The following COL4A1 variants were observed in gnomAD, a reference collection of about 807,000 sequenced individuals.
The protein encoded by COL4A1 is collagen alpha-1(IV) chain.
A neutral mutation model predicts 216.6 loss-of-function variants in COL4A1; 40 were observed. The observed-to-expected ratio is 0.18, with a 90% CI of 0.14 to 0.24. The LOEUF (loss-of-function observed/expected upper bound fraction) is 0.24. Among genes scored for constraint, COL4A1 ranks in the 10% least tolerant of loss-of-function variants. COL4A1 has a pLI of 1.00. For missense variants in COL4A1, 1,628 were observed against 2,196.8 expected (o/e 0.74, Z 5.18); for synonymous variants, 839 against 810.7 (o/e 1.03, Z -0.59).
At chr13:110,295,619 T>A (rs1306360644) in intron 1 of COL4A1, among the ~76,000 whole-genome samples, 1 of 152,044 alleles carries the variant, frequency 6.6e-6, no homozygotes, top group East Asian at 1.9e-4. Context: ...AGAGACAAGG[T>A]TTCACCACAT....
chr13:110,234,992 G>A (rs1327779885), intron 2 of COL4A1, among the ~76,000 whole-genome samples: 1 of 152,024 alleles, frequency 6.6e-6, no homozygotes, highest in Non-Finnish European at 1.5e-5. Flanking sequence ...CCCTAGTATT[G>A]TACACTAAGG....
chr13:110,254,511 T>C (rs1002379848), intron 1 of COL4A1, among the ~76,000 whole-genome samples: 1 of 152,124 alleles, frequency 6.6e-6, no homozygotes, highest in Non-Finnish European at 1.5e-5. Flanking sequence ...AGCCCTACAG[T>C]TTGTAACATA....
intron 1 of COL4A1, among the ~76,000 whole-genome samples, chr13:110,251,529 G>A (rs1390100587): frequency 2.6e-5 from 4 of 152,266 alleles, no homozygotes; most frequent in Non-Finnish European, 4.4e-5. Flanking sequence ...AGCTGAGTGT[G>A]TGAGCAAGCT....
Position 110,175,209 on chromosome 13 carries a change from G to C in COL4A1, c.3198+9C>G. On this transcript the variant is annotated intron_variant, in intron 37 of 51. Transcript: ENST00000375820. ...AGAAGGGGACCTTTCCACGCAGAGC[G>C]CTGGTTACCTTTTCACCTCGCAGCC... The C allele has an allele frequency of 6.2e-7, 1 of 1,614,184 alleles. No individual in the cohort carries two copies. Among genetic ancestry groups the C allele is most frequent in the East Asian group, 2.2e-5 (1 of 44,882 alleles).
chr13:110,264,656 C>T (rs1416798492), intron 1 of COL4A1, among the ~76,000 whole-genome samples: 1 of 152,230 alleles, frequency 6.6e-6, no homozygotes, highest in African/African-American at 2.4e-5. Context: ...ATTGTTTTGA[C>T]ATGCTACTTT....
At chr13:110,287,787 T>G (rs1016341066) in intron 1 of COL4A1, among the ~76,000 whole-genome samples, 8 of 152,196 alleles carry the variant, frequency 5.3e-5, no homozygotes, top group African/African-American at 1.9e-4. Flanking sequence ...AAGAGAAACG[T>G]TTCCTTTCAG....
At chr13:110,206,922 A>G (rs751360096) in intron 13 of COL4A1, 31 bp from the exon 14 acceptor site, 3 of 1,613,186 alleles carry the variant, frequency 1.9e-6, no homozygotes, top group African/African-American at 1.3e-5. Flanking sequence ...GATCAGCACT[A>G]TCAAACAGCT....
At chr13:110,172,090 T>A (rs368546844) in intron 41 of COL4A1, among the ~76,000 whole-genome samples, 6 of 152,290 alleles carry the variant, frequency 3.9e-5, no homozygotes, top group African/African-American at 1.4e-4. Flanking sequence ...TCCCACTGAG[T>A]GGGATCACTC....
intron 1 of COL4A1, among the ~76,000 whole-genome samples, chr13:110,245,996 G>T (rs1356800937): frequency 6.6e-6 from 1 of 152,060 alleles, no homozygotes; most frequent in African/African-American, 2.4e-5. Context: ...GGCTTTATGT[G>T]TGTAGGGAAT....
At chr13:110,189,510 A>G (rs1379453896) in intron 24 of COL4A1, among the ~76,000 whole-genome samples, 1 of 152,174 alleles carries the variant, frequency 6.6e-6, no homozygotes, top group Non-Finnish European at 1.5e-5. Flanking sequence ...AATGCCCCTT[A>G]TGACCTGGGA....
rs888509133 is a variant in COL4A1 at position 110,150,233 on chromosome 13, T to A, written c.*130A>T. ...AGCAGGGTGTGTTAGTTACGCAAAT[T>A]CCTATAAGGCACTTTACGGTTTTCA... On this transcript the variant is annotated 3_prime_UTR_variant, in exon 52 of 52. Transcript: ENST00000375820. The A allele has an allele frequency of 1.1e-6, 1 of 871,118 alleles. No homozygotes were observed. The highest frequency in any genetic ancestry group is 1.9e-6 in the Non-Finnish European group (1 of 538,106). 54.0% of individuals were successfully genotyped at this position (871,118 alleles called of 1,614,324 possible). A position where few individuals can be genotyped will look rare whatever the true frequency, so the allele number is the denominator to read the frequency against.
At position 110,174,757 on chromosome 13, in the gene COL4A1, T is replaced by C; in HGVS notation, c.3199-8A>G. 1 of 1,612,906 alleles carries C rather than the reference T, an allele frequency of 6.2e-7. No individual in the cohort carries two copies. The highest frequency in any genetic ancestry group is 1.1e-5 in the South Asian group (1 of 91,050). ...CGCTATCCCTTGATCTCCCTGCAAG[T>C]AAAAGTCAGGCATATTAACTTTACA... On this transcript the variant is annotated splice_region_variant and splice_polypyrimidine_tract_variant and intron_variant, in intron 37 of 51. Transcript: ENST00000375820.
intron 43 of COL4A1, among the ~76,000 whole-genome samples, chr13:110,168,952 C>T (rs186868189): frequency 1.3e-5 from 2 of 152,160 alleles, no homozygotes; most frequent in Admixed American, 1.3e-4. Flanking sequence ...ATCCTTTAGC[C>T]ATGGACATGG....
chr13:110,288,274 A>AAAAATAATAATAATAAT (rs1555316110), intron 1 of COL4A1, among the ~76,000 whole-genome samples: 5 of 139,458 alleles, frequency 3.6e-5, no homozygotes, highest in Middle Eastern at 3.3e-3. Context: ...AAAAAAAAAA[A>AAAAATAATAATAATAAT]AATAATAATA....
chr13:110,294,890 A>G (rs1462463355), intron 1 of COL4A1, among the ~76,000 whole-genome samples: 9 of 152,220 alleles, frequency 5.9e-5, no homozygotes, highest in Admixed American at 1.3e-4. Context: ...TGTACAATAA[A>G]TATTTCTTAC....
chr13:110,306,855 G>A (rs1884749417), intron 1 of COL4A1, 89 bp downstream of exon 1: 1 of 1,240,728 alleles, frequency 8.1e-7, no homozygotes, highest in Non-Finnish European at 1.0e-6. Context: ...CGAGGGGCAG[G>A]CGGACGGGTC....
intron 21 of COL4A1, among the ~76,000 whole-genome samples, chr13:110,197,636 T>C (rs972528246): frequency 1.1e-4 from 16 of 152,216 alleles, no homozygotes; most frequent in African/African-American, 2.7e-4. Flanking sequence ...CCATCGAAGC[T>C]GCCAGGCTGG....
chr13:110,289,234 G>A (rs943883610), intron 1 of COL4A1, among the ~76,000 whole-genome samples: 7 of 152,160 alleles, frequency 4.6e-5, no homozygotes, highest in South Asian at 2.1e-4. Context: ...GAATGGCCCC[G>A]CACCTAAGCC....
chr13:110,192,379 T>C (rs919450540), intron 23 of COL4A1, 95 bp from the exon 24 acceptor site: 10 of 1,133,356 alleles, frequency 8.8e-6, no homozygotes, highest in African/African-American at 6.1e-5. Context: ...AAAATCTGTA[T>C]AGGAAGTGGA....
Sources: gnomAD v4.1 joint callset for allele counts (sites outside exome capture counted in the v4.1 genomes callset) on GRCh38, gnomAD v4.1.1 for gene constraint, MANE v1.5 for transcripts, NCBI Gene and HGNC (gene_info 2026-07-23, HGNC 2026-07-21) for gene names.